Variants in SV2B observed in about 807,000 individuals in gnomAD.
SV2B encodes synaptic vesicle glycoprotein 2B, also known as solute carrier family 22 member B2.
SV2B carries 41 observed loss-of-function variants against 73.9 expected under a neutral mutation model. The ratio of observed to expected loss-of-function variants is 0.56; its 90% CI spans 0.43 to 0.72. The LOEUF (loss-of-function observed/expected upper bound fraction) is 0.72. SV2B is among the 30% of genes least tolerant of loss of function. The pLI, the probability that SV2B is intolerant of heterozygous loss-of-function variation, is 0.00. For synonymous variants in SV2B, 314 were observed against 314.2 expected (o/e 1.00, Z 0.01); for missense variants, 764 against 857.8 (o/e 0.89, Z 1.37).
chr15:91,179,522 G>A (rs2044463475), intron 1 of SV2B, among the ~76,000 whole-genome samples: 1 of 152,070 alleles, frequency 6.6e-6, no homozygotes, highest in Non-Finnish European at 1.5e-5. Context: ...TATTGTGTGG[G>A]AGTCTAAGTC....
Position 91,258,313 on chromosome 15 carries a change from G to C in SV2B, c.785-108G>C. On this transcript the variant is annotated intron_variant, in intron 4 of 12. Coordinates refer to ENST00000394232, the MANE Select transcript of SV2B (RefSeq NM_001323032.3). This position sits in a 1 kb window ranked among gnomAD's most constrained non-coding sequence, Gnocchi z 4.7. ...AGTCTGCATTTTAACCACCTCCCCG[G>C]GTGACTCTCTTGTGCCCTGAAGTTT... is the stretch of plus-strand genomic sequence containing the variant. 1.3e-6 allele frequency: 2 copies of C among 1,486,166 alleles called. No homozygotes were observed. Among genetic ancestry groups the C allele is most frequent in the Non-Finnish European group, 1.8e-6 (2 of 1,106,812 alleles). 92.1% of individuals were successfully genotyped at this position (1,486,166 alleles called of 1,614,324 possible). A position where few individuals can be genotyped will look rare whatever the true frequency, so the allele number is the denominator to read the frequency against.
chr15:91,280,862 G>A lies in SV2B; in HGVS notation c.1374-866G>A, dbSNP rs1373635255. ...ACCGTTTCTATCAGTTTCTTGTGTAGCTCTCCAGATATATTTGGAAGCATA... is the reference window on the plus strand; with the variant it reads ...ACCGTTTCTATCAGTTTCTTGTGTAACTCTCCAGATATATTTGGAAGCATA... On this transcript the variant is annotated intron_variant, in intron 9 of 12. Transcript: ENST00000394232. This position sits in a 1 kb window ranked among gnomAD's most constrained non-coding sequence, Gnocchi z 5.8. 6.6e-6 allele frequency among the ~76,000 whole-genome samples: 1 copy of A among 152,164 alleles called. No homozygotes were observed. Among genetic ancestry groups the A allele is most frequent in the Non-Finnish European group, 1.5e-5 (1 of 68,040 alleles).
At chr15:91,216,849 G>A (rs2141448835) in intron 1 of SV2B, among the ~76,000 whole-genome samples, 1 of 151,090 alleles carries the variant, frequency 6.6e-6, no homozygotes, top group African/African-American at 2.4e-5. Flanking sequence ...CTGTCTCATG[G>A]GCCATTTTCA....
chr15:91,237,449 A>T lies in SV2B; in HGVS notation c.451+10735A>T, dbSNP rs373224583. Among the ~76,000 whole-genome samples the T allele has an allele frequency of 4.1e-4, 62 of 152,356 alleles. No homozygotes were observed. In the South Asian group the frequency reaches 0.013, roughly 31 times the overall value. ...TTCCAGTTGACAACCACTGCACTAGATGAATGTCCTTAATCCTAACTGCCC... is the reference window on the plus strand; with the variant it reads ...TTCCAGTTGACAACCACTGCACTAGTTGAATGTCCTTAATCCTAACTGCCC... On this transcript the variant is annotated intron_variant, in intron 2 of 12. Coordinates refer to ENST00000394232, the MANE Select transcript of SV2B (RefSeq NM_001323032.3).
chr15:91,154,901 G>C (rs1567297162), intron 1 of SV2B, among the ~76,000 whole-genome samples: 1 of 152,240 alleles, frequency 6.6e-6, no homozygotes, highest in South Asian at 2.1e-4. Context: ...CCAAGAGCAT[G>C]GTTCCTTGGG....
chr15:91,200,652 T>C (rs2045426413), intron 1 of SV2B, among the ~76,000 whole-genome samples: 2 of 152,180 alleles, frequency 1.3e-5, no homozygotes, highest in African/African-American at 4.8e-5. Flanking sequence ...GGCTCACAGC[T>C]GTAATTCCAA....
At chr15:91,202,377 A>G (rs892847346) in intron 1 of SV2B, among the ~76,000 whole-genome samples, 8 of 152,234 alleles carry the variant, frequency 5.3e-5, no homozygotes, top group Admixed American at 1.3e-4. Flanking sequence ...AATGAAAACC[A>G]TTAATGAATG....
chr15:91,252,236 ACTGGCCGGT>A lies in SV2B; in HGVS notation c.633-130_633-122del. On this transcript the variant is annotated intron_variant, in intron 3 of 12. Coordinates refer to ENST00000394232, the MANE Select transcript of SV2B (RefSeq NM_001323032.3). This position sits in a 1 kb window ranked among gnomAD's most constrained non-coding sequence, Gnocchi z 4.6. Reference sequence around the variant, plus strand: ...GCTTCCCACATGTAGAGAGGAACTAACTGGCCGGTCTCTCAAATTCACTGGGTCCTTTCA... The same window carrying A: ...GCTTCCCACATGTAGAGAGGAACTAACTCTCAAATTCACTGGGTCCTTTCA... 7.8e-7 allele frequency: 1 copy of A among 1,287,046 alleles called. No individual in the cohort carries two copies. Among genetic ancestry groups the A allele is most frequent in the Non-Finnish European group, 1.1e-6 (1 of 935,658 alleles). 79.7% of individuals were successfully genotyped at this position (1,287,046 alleles called of 1,614,324 possible).
chr15:91,275,731 C>T (rs1049610398), intron 9 of SV2B, among the ~76,000 whole-genome samples: 8 of 152,118 alleles, frequency 5.3e-5, no homozygotes, highest in Non-Finnish European at 1.2e-4. Context: ...GAGGCTGAGG[C>T]ACGAGAATTA....
chr15:91,226,453 G>A lies in SV2B; in HGVS notation c.190G>A (p.Ala64Thr). The A allele has an allele frequency of 6.2e-7, 1 of 1,614,190 alleles. No homozygotes were observed. Among genetic ancestry groups the A allele is most frequent in the Non-Finnish European group, 8.5e-7 (1 of 1,180,016 alleles). ...CCCAGATGATGTCAAGGCCAAGCAG[G>A]CCAAGATGGCGCCCTCCAGAATGGA... The part of the protein sequence containing the change: ...PHPDDVKAKQ[A>T]KMAPSRMDSL... Residue 64 changes from alanine to threonine, a missense_variant, in exon 2 of 13, where the codon GCC becomes ACC. Physicochemically the swap from Ala to Thr is moderately conservative, Grantham distance 58. Transcript: ENST00000394232.
intron 2 of SV2B, among the ~76,000 whole-genome samples, chr15:91,243,080 T>C (rs2047083957): frequency 6.6e-6 from 1 of 152,158 alleles, no homozygotes; most frequent in Non-Finnish European, 1.5e-5. Context: ...GGCATCTGCT[T>C]TTGCCCTCTT....
intron 1 of SV2B, among the ~76,000 whole-genome samples, chr15:91,167,331 T>C (rs2043952160): frequency 6.6e-6 from 1 of 152,200 alleles, no homozygotes; most frequent in Non-Finnish European, 1.5e-5. Context: ...GTGTATTAGT[T>C]TCTCATTACT....
intron 1 of SV2B, among the ~76,000 whole-genome samples, chr15:91,165,873 C>A (rs1012612246): frequency 2.0e-5 from 3 of 152,196 alleles, no homozygotes; most frequent in Non-Finnish European, 4.4e-5. Context: ...TGAATAACTT[C>A]ATTTGTTGTC....
chr15:91,163,608 G>A (rs1567304884), intron 1 of SV2B, among the ~76,000 whole-genome samples: 1 of 152,146 alleles, frequency 6.6e-6, no homozygotes, highest in African/African-American at 2.4e-5. Context: ...TTTTGATGGG[G>A]TTGTTTGATT....
At chr15:91,156,139 A>T (rs2043483282) in intron 1 of SV2B, among the ~76,000 whole-genome samples, 1 of 152,128 alleles carries the variant, frequency 6.6e-6, no homozygotes, top group Non-Finnish European at 1.5e-5. Context: ...TTGGGGATGA[A>T]TGTCTCATAG....
chr15:91,220,303 A>T lies in SV2B; in HGVS notation c.-391-5570A>T. On this transcript the variant is annotated intron_variant, in intron 1 of 12. Transcript: ENST00000394232. The surrounding 1 kb of genome is among the most constrained non-coding windows in gnomAD (Gnocchi z 4.1). ...CTGTTGATTAGAGCTATTCTAATGGATGTGTAGTGATATCTTACTGTGGGG... is the reference window on the plus strand; with the variant it reads ...CTGTTGATTAGAGCTATTCTAATGGTTGTGTAGTGATATCTTACTGTGGGG... Among the ~76,000 whole-genome samples the T allele has an allele frequency of 6.6e-6, 1 of 152,172 alleles. No homozygotes were observed. Among genetic ancestry groups the T allele is most frequent in the East Asian group, 1.9e-4 (1 of 5,194 alleles).
At chr15:91,183,789 A>C (rs2044672484) in intron 1 of SV2B, among the ~76,000 whole-genome samples, 1 of 152,218 alleles carries the variant, frequency 6.6e-6, no homozygotes, top group Non-Finnish European at 1.5e-5. Flanking sequence ...ATCCACATTC[A>C]CTTGTGATTA....
chr15:91,273,655 T>C (rs1311973855), intron 9 of SV2B, among the ~76,000 whole-genome samples: 1 of 152,192 alleles, frequency 6.6e-6, no homozygotes, highest in Non-Finnish European at 1.5e-5. Flanking sequence ...TTCCTCTCTT[T>C]TTTTCCATTA....
At chr15:91,158,164 C>T (rs1032693426) in intron 1 of SV2B, among the ~76,000 whole-genome samples, 4 of 152,120 alleles carry the variant, frequency 2.6e-5, no homozygotes, top group African/African-American at 9.7e-5. Context: ...GAGATGGGGC[C>T]TAATGAGAGG....
Sources: allele counts gnomAD v4.1 joint callset (sites outside exome capture counted in the v4.1 genomes callset), GRCh38; gene constraint gnomAD v4.1.1; non-coding constraint Gnocchi (gnomAD v3.1); transcripts MANE v1.5; gene names NCBI Gene and HGNC (gene_info 2026-07-23, HGNC 2026-07-21).